The following CNNM2 variants were observed in gnomAD, a reference collection of about 807,000 sequenced individuals.
CNNM2 encodes cyclin and CBS domain divalent metal cation transport mediator 2, also known as metal transporter CNNM2.
Under a neutral mutation model 66.9 loss-of-function variants are expected in CNNM2, and 12 were observed. The ratio of observed to expected loss-of-function variants is 0.18; its 90% confidence interval spans 0.11 to 0.29. The LOEUF is 0.29. CNNM2 is among the 10% of genes least tolerant of loss of function. CNNM2 has a pLI of 1.00. For synonymous variants in CNNM2, 557 were observed against 501.8 expected, an observed-to-expected ratio of 1.11 and a Z score of -1.47; for missense variants, 705 against 1,167.7, an observed-to-expected ratio of 0.60 and a Z score of 5.77.
chr10:103,017,269 T>C (rs2064471828), intron 1 of CNNM2, among the ~76,000 whole-genome samples: 1 of 152,324 alleles, frequency 6.6e-6, no homozygotes, highest in Non-Finnish European at 1.5e-5. Context: ...AGTAGACGAA[T>C]GCATGAAGAC....
At chr10:102,978,820 A>T (rs575392987) in intron 1 of CNNM2, among the ~76,000 whole-genome samples, 11 of 152,296 alleles carry the variant, frequency 7.2e-5, no homozygotes, top group African/African-American at 2.6e-4. Flanking sequence ...TGTAGAACAT[A>T]GGTCAGTTTT....
intron 1 of CNNM2, among the ~76,000 whole-genome samples, chr10:103,015,751 G>C (rs1278571862): frequency 6.6e-6 from 1 of 152,168 alleles, no homozygotes. Flanking sequence ...TACTCGGGAG[G>C]CTGAAGCAGG....
rs1196416866 is a variant in CNNM2 at position 103,084,423 on chromosome 10, A to G, written c.*7243A>G. On this transcript the variant is annotated 3_prime_UTR_variant, in exon 8 of 8. Transcript: ENST00000369878. ...AGTAGAATGAGGTGTATCTTAGCCC[A>G]GTGAAATGCTGTCTTCGAACCCTGC... The G allele has an allele frequency of 6.6e-6, 1 of 152,210 alleles. No individual in the cohort carries two copies. Among genetic ancestry groups the G allele is most frequent in the Non-Finnish European group, 1.5e-5 (1 of 68,048 alleles). The allele number at this position is 152,210 out of a possible 1,614,324, so 9.4% of individuals were successfully genotyped here.
chr10:102,956,957 G>T (rs564896389), intron 1 of CNNM2, among the ~76,000 whole-genome samples: 2 of 152,224 alleles, frequency 1.3e-5, no homozygotes, highest in East Asian at 3.9e-4. Context: ...CGTTGTGCAC[G>T]TGTACCCTAG....
intron 1 of CNNM2, among the ~76,000 whole-genome samples, chr10:102,975,530 A>G (rs912737374): frequency 2.0e-5 from 3 of 151,802 alleles, no homozygotes; most frequent in Non-Finnish European, 4.4e-5. Flanking sequence ...CATCAGTGAT[A>G]CAGTGGTAAG....
At chr10:102,982,974 T>G (rs2063740104) in intron 1 of CNNM2, among the ~76,000 whole-genome samples, 1 of 152,224 alleles carries the variant, frequency 6.6e-6, no homozygotes. Flanking sequence ...AAACTATTCC[T>G]TAAACATGAG....
rs80143363 is a variant in CNNM2 at position 102,925,466 on chromosome 10, T to A, written c.1621+5365T>A. Among the ~76,000 whole-genome samples the A allele has an allele frequency of 2.3e-3, 346 of 152,138 alleles. 4 individuals are homozygous for A. The highest frequency in any genetic ancestry group is 7.9e-3 in the African/African-American group (328 of 41,514). ...ATGGTTAGGTGAGTTTAGGAAAAAC[T>A]GGTCTAGTCAGCCCCTTGATTAAGG... On this transcript the variant is annotated intron_variant, in intron 1 of 7. Transcript: ENST00000369878.
intron 1 of CNNM2, among the ~76,000 whole-genome samples, chr10:102,929,265 A>C (rs1052129621): frequency 1.3e-5 from 2 of 152,144 alleles, no homozygotes; most frequent in African/African-American, 2.4e-5. Flanking sequence ...TCTCAAAACA[A>C]GAAAAAAAAG....
Position 102,922,937 on chromosome 10 carries a change from CAAAA to C in CNNM2, c.1621+2851_1621+2854del, listed in dbSNP as rs60845072. 5.6e-5 allele frequency among the ~76,000 whole-genome samples: 5 copies of C among 89,604 alleles called. No individual in the cohort carries two copies. The highest frequency in any genetic ancestry group is 9.0e-5 in the Non-Finnish European group (4 of 44,268). 58.8% of individuals were successfully genotyped at this position (89,604 alleles called of 152,430 possible). A position where few individuals can be genotyped will look rare whatever the true frequency, so the allele number is the denominator to read the frequency against. On this transcript the variant is annotated intron_variant, in intron 1 of 7. Transcript: ENST00000369878. Reference sequence around the variant, plus strand: ...AGCCTTGGGGACAAAGACCCTGTCTCAAAAAAAAAAAAAAAAAAGAAACAAAATT... The same window carrying C: ...AGCCTTGGGGACAAAGACCCTGTCTCAAAAAAAAAAAAAAGAAACAAAATT...
chr10:103,014,279 A>G (rs2064399490), intron 1 of CNNM2, among the ~76,000 whole-genome samples: 1 of 152,234 alleles, frequency 6.6e-6, no homozygotes, highest in African/African-American at 2.4e-5. Flanking sequence ...TAGCCTTGGC[A>G]GGTGGTATCA....
At chr10:102,924,045 C>T (rs1845756741) in intron 1 of CNNM2, among the ~76,000 whole-genome samples, 1 of 152,182 alleles carries the variant, frequency 6.6e-6, no homozygotes. Flanking sequence ...ATGCAAGGAA[C>T]CTTTCTCTTT....
chr10:103,059,428 G>T (rs1282649449), intron 4 of CNNM2, among the ~76,000 whole-genome samples: 4 of 152,130 alleles, frequency 2.6e-5, no homozygotes, highest in African/African-American at 9.7e-5. Flanking sequence ...TCATTTTTTA[G>T]TTGAAGCCCT....
chr10:102,965,244 C>G (rs1028140365), intron 1 of CNNM2, among the ~76,000 whole-genome samples: 1 of 152,192 alleles, frequency 6.6e-6, no homozygotes, highest in African/African-American at 2.4e-5. Context: ...CCTGCTCTGT[C>G]TTGACTTGTT....
intron 1 of CNNM2, among the ~76,000 whole-genome samples, chr10:102,955,791 T>C (rs1221165165): frequency 6.6e-6 from 1 of 152,204 alleles, no homozygotes; most frequent in African/African-American, 2.4e-5. Context: ...TCATCACTGG[T>C]CATCAGAGAA....
In CNNM2 at chr10:102,996,238, T is replaced by G. The variant is rs557550992; in HGVS notation, c.1622-53469T>G. On this transcript the variant is annotated intron_variant, in intron 1 of 7. Coordinates refer to ENST00000369878, the MANE Select transcript of CNNM2 (RefSeq NM_017649.5). The stretch of plus-strand genomic sequence containing the variant: ...AGAATGAAGGTTTGGTTTCATTTTT[T>G]TTTTTCTATTGTTTTTCTGCTTTCA... Among the ~76,000 whole-genome samples, 94 of 152,308 alleles carry G rather than the reference T, an allele frequency of 6.2e-4. 2 individuals carry two copies. The highest frequency in any genetic ancestry group is 1.2e-3 in the Non-Finnish European group (84 of 68,038).
chr10:102,965,880 G>C (rs1195532891), intron 1 of CNNM2, among the ~76,000 whole-genome samples: 2 of 152,012 alleles, frequency 1.3e-5, no homozygotes, highest in African/African-American at 4.8e-5. Flanking sequence ...AGGTCTCTGT[G>C]TTTTCTGTTT....
intron 4 of CNNM2, among the ~76,000 whole-genome samples, chr10:103,063,289 A>G (rs1200310488): frequency 1.3e-5 from 2 of 151,494 alleles, no homozygotes; most frequent in Non-Finnish European, 2.9e-5. Flanking sequence ...GGGTGCTGCA[A>G]CTCCTCTCTC....
chr10:103,009,162 G>A (rs11191507), intron 1 of CNNM2, among the ~76,000 whole-genome samples: 1 of 152,114 alleles, frequency 6.6e-6, no homozygotes, highest in Non-Finnish European at 1.5e-5. Context: ...TGTTATCCCA[G>A]CTACTTGGGA....
chr10:103,061,865 G>A (rs1454888582), intron 4 of CNNM2, among the ~76,000 whole-genome samples: 4 of 134,588 alleles, frequency 3.0e-5, no homozygotes, highest in African/African-American at 8.3e-5. Context: ...TGGGAAAGTA[G>A]TAAAAAAAAA....
Sources: gnomAD v4.1 joint callset for allele counts (sites outside exome capture counted in the v4.1 genomes callset) on GRCh38, gnomAD v4.1.1 for gene constraint, MANE v1.5 for transcripts, NCBI Gene and HGNC (gene_info 2026-07-23, HGNC 2026-07-21) for gene names.